Variants in MANEAL observed in about 807,000 individuals in gnomAD.
The protein encoded by MANEAL is glycoprotein endo-alpha-1,2-mannosidase-like protein.
MANEAL carries 28 observed loss-of-function variants against 35.9 expected under a neutral mutation model. The observed-to-expected ratio is 0.78, with a 90% CI of 0.58 to 1.07. The LOEUF (loss-of-function observed/expected upper bound fraction) is 1.07. Among genes scored for constraint, MANEAL ranks in the 50% least tolerant of loss-of-function variants. MANEAL has a pLI of 0.00. For synonymous variants in MANEAL, 286 were observed against 272.2 expected (o/e 1.05, Z -0.50); for missense variants, 576 against 629.6 (o/e 0.91, Z 0.91).
rs890544743 is a variant in MANEAL at position 37,800,125 on chromosome 1, C to A, written c.1296C>A (p.His432Gln). The A allele has an allele frequency of 3.1e-6, 5 of 1,613,724 alleles. No individual in the cohort carries two copies. The African/African-American group carries it at 6.7e-5, about 22-fold the overall frequency. Residue 432 changes from histidine to glutamine, a missense_variant, in exon 4 of 4, where the codon CAC becomes CAA. His to Gln is a conservative substitution (Grantham distance 24). Around this residue, in one of 3 missense-constraint regions of MANEAL, gnomAD observed 449 missense variants for 516.1 expected, o/e 0.87. Coordinates refer to ENST00000373045, the MANE Select transcript of MANEAL (RefSeq NM_001113482.2). ...PTRLYLDYLP[H>Q]QPSLYLELTR... ...GCCTGTATTTGGACTACCTGCCTCA[C>A]CAGCCCAGCCTGTACCTGGAGCTGA...
rs1363231575 is a variant in MANEAL at position 37,800,803 on chromosome 1, G to A, written c.*600G>A. ...AGCACCTTCCTATGTGCTAGGTGCT[G>A]GGGAAAACTTGACCAAGGAAGAGTT... is the stretch of plus-strand genomic sequence containing the variant. On this transcript the variant is annotated 3_prime_UTR_variant, in exon 4 of 4. Transcript: ENST00000373045. 6.5e-6 allele frequency: 1 copy of A among 153,468 alleles called. No homozygotes were observed. The highest frequency in any genetic ancestry group is 1.4e-5 in the Non-Finnish European group (1 of 69,006). The allele number at this position is 153,468 out of a possible 1,614,324, so 9.5% of individuals were successfully genotyped here.
At position 37,794,999 on chromosome 1, in the gene MANEAL, G is replaced by A. The variant is rs974964612; in HGVS notation, c.550+267G>A. 2.0e-5 allele frequency among the ~76,000 whole-genome samples: 3 copies of A among 152,238 alleles called. No homozygotes were observed. In the East Asian group the frequency reaches 5.8e-4, roughly 29 times the overall value. ...CGGAACTGCTAGGAGTTTGCACCAG[G>A]AGAGGGAGGCAGAGTCTTCAAATTT... On this transcript the variant is annotated intron_variant, in intron 1 of 3. Coordinates refer to ENST00000373045, the MANE Select transcript of MANEAL (RefSeq NM_001113482.2). The surrounding 1 kb of genome is among the most constrained non-coding windows in gnomAD (Gnocchi z 5.7).
Position 37,799,656 on chromosome 1 carries a change from C to G in MANEAL, c.827C>G (p.Ser276Cys). ...LFYIYDSYLT[S>C]PEAWAHLLTP... ...TATATCTACGACTCATACCTGACGT[C>G]CCCTGAGGCCTGGGCCCACCTCCTG... The change falls in exon 4 of 4, where the codon TCC becomes TGC. Residue 276 changes from serine (S) to cysteine (C), a missense_variant. By Grantham distance (112) the Ser-to-Cys change is moderately radical. Transcript: ENST00000373045. This position sits in a 1 kb window ranked among gnomAD's most constrained non-coding sequence, Gnocchi z 4.1. 1 of 1,614,196 alleles carries G rather than the reference C, an allele frequency of 6.2e-7. No individual in the cohort carries two copies.
chr1:37,798,109 C>T (rs1646660481), intron 3 of MANEAL, among the ~76,000 whole-genome samples: 1 of 151,198 alleles, frequency 6.6e-6, no homozygotes, highest in East Asian at 2.0e-4. Flanking sequence ...CACAATTACA[C>T]CACTGCATTC....
At chr1:37,798,711 C>G (rs1001493216) in intron 3 of MANEAL, among the ~76,000 whole-genome samples, 1 of 148,492 alleles carries the variant, frequency 6.7e-6, no homozygotes, top group Non-Finnish European at 1.5e-5. Flanking sequence ...CCAGCCTGGG[C>G]GATACAGTGA....
Position 37,800,092 on chromosome 1 carries a change from AC to A in MANEAL, c.1266del (p.Thr423ProfsTer18). The A allele has an allele frequency of 1.2e-6, 2 of 1,604,482 alleles. No homozygotes were observed. Among genetic ancestry groups the A allele is most frequent in the Non-Finnish European group, 1.7e-6 (2 of 1,176,710 alleles). On this transcript the variant is annotated frameshift_variant, in exon 4 of 4. Transcript: ENST00000373045. LOFTEE classifies it high-confidence loss of function. ...QIEKAIPKKT[P>X]TRLYLDYLPH... ...TTGAGAAGGCCATTCCCAAGAAGACACCCACCCGCCTGTATTTGGACTACCT... is the reference window on the plus strand; with the variant it reads ...TTGAGAAGGCCATTCCCAAGAAGACACCACCCGCCTGTATTTGGACTACCT...
intron 1 of MANEAL, 130 bp from the exon 2 acceptor site, chr1:37,795,607 T>A: frequency 6.6e-7 from 1 of 1,510,476 alleles, no homozygotes; most frequent in Non-Finnish European, 8.9e-7. Context: ...CTGCAGGAAG[T>A]GAACCTGGCA....
intron 1 of MANEAL, 158 bp from the exon 2 acceptor site, chr1:37,795,579 C>T: frequency 6.9e-7 from 1 of 1,447,236 alleles, no homozygotes; most frequent in Middle Eastern, 2.3e-4. Context: ...CTCCGGGGCG[C>T]GAGGCTCTGG....
In MANEAL at chr1:37,794,629, A is replaced by G; in HGVS notation, c.447A>G (p.Pro149=). 6.2e-7 allele frequency: 1 copy of G among 1,610,618 alleles called. No homozygotes were observed. ...ASYPRGRHSP[P]DDLGSSFYPE... is the part of the protein sequence containing the mutation. ...ACCCCCGCGGCCGCCACAGCCCCCC[A>G]GACGACTTGGGCTCCAGCTTCTACC... The change falls in exon 1 of 4, where the codon CCA becomes CCG. Residue 149 remains proline (P), a synonymous_variant. Coordinates refer to ENST00000373045, the MANE Select transcript of MANEAL (RefSeq NM_001113482.2). This position sits in a 1 kb window ranked among gnomAD's most constrained non-coding sequence, Gnocchi z 5.7.
intron 3 of MANEAL, among the ~76,000 whole-genome samples, 171 bp downstream of exon 3, chr1:37,796,991 C>G (rs1646650855): frequency 6.6e-6 from 1 of 152,212 alleles, no homozygotes; most frequent in Non-Finnish European, 1.5e-5. Flanking sequence ...GTTTCAATTC[C>G]TGTCCTGTGG....
chr1:37,799,963 G>A lies in MANEAL; in HGVS notation c.1134G>A (p.Arg378=). 1 of 1,614,198 alleles carries A rather than the reference G, an allele frequency of 6.2e-7. No individual in the cohort carries two copies. The highest frequency in any genetic ancestry group is 8.5e-7 in the Non-Finnish European group (1 of 1,180,028). ...RPWNNHNTRN[R]VNGKYYETAL... Reference sequence around the variant, plus strand: ...GGAACAACCACAATACGCGCAACAGGGTCAATGGCAAGTACTATGAGACGG... The same window carrying A: ...GGAACAACCACAATACGCGCAACAGAGTCAATGGCAAGTACTATGAGACGG... Residue 378 remains arginine (R), a synonymous_variant, in exon 4 of 4, where the codon AGG becomes AGA. Transcript: ENST00000373045. This position sits in a 1 kb window ranked among gnomAD's most constrained non-coding sequence, Gnocchi z 4.1.
intron 1 of MANEAL, chr1:37,795,430 C>A: frequency 9.1e-7 from 1 of 1,101,748 alleles, no homozygotes; most frequent in Non-Finnish European, 1.1e-6. Flanking sequence ...AGGCCTGTGG[C>A]TTCCAGGTGG....
rs757221102 is a variant in MANEAL at position 37,799,998 on chromosome 1, CG to C, written c.1171del (p.Ala391ProfsTer2). On this transcript the variant is annotated frameshift_variant, in exon 4 of 4. Coordinates refer to ENST00000373045, the MANE Select transcript of MANEAL (RefSeq NM_001113482.2). LOFTEE classifies it high-confidence loss of function. This position sits in a 1 kb window ranked among gnomAD's most constrained non-coding sequence, Gnocchi z 4.1. ...AAGTACTATGAGACGGCCCTGCAGG[CG>C]GCCCTGACAGTGAGGCCCGAGATCG... Reference protein sequence around the residue: ...NGKYYETALQAALTVRPEIVS... With the variant: ...NGKYYETALQXALTVRPEIVS... 1 of 1,614,224 alleles carries C rather than the reference CG, an allele frequency of 6.2e-7. No individual in the cohort carries two copies. The highest frequency in any genetic ancestry group is 2.2e-5 in the East Asian group (1 of 44,884).
At position 37,799,864 on chromosome 1, in the gene MANEAL, C is replaced by A. The variant is rs1646679835; in HGVS notation, c.1035C>A (p.Asn345Lys). The change falls in exon 4 of 4, where the codon AAC becomes AAA. Residue 345 changes from asparagine to lysine, a missense_variant. This residue lies in a region of MANEAL where 449 missense variants were observed against 516.1 expected (regional missense o/e 0.87). Transcript: ENST00000373045. The surrounding 1 kb of genome is among the most constrained non-coding windows in gnomAD (Gnocchi z 4.1). ...SSHQNWKAVK[N>K]FCDANNLMFI... ...ATCAGAACTGGAAAGCTGTGAAGAA[C>A]TTTTGTGATGCCAACAACCTCATGT... 1.9e-6 allele frequency: 3 copies of A among 1,614,256 alleles called. No individual in the cohort carries two copies. Among genetic ancestry groups the A allele is most frequent in the Non-Finnish European group, 2.5e-6 (3 of 1,180,048 alleles).
At chr1:37,798,842 C>T (rs1308987643) in intron 3 of MANEAL, among the ~76,000 whole-genome samples, 4 of 152,064 alleles carry the variant, frequency 2.6e-5, no homozygotes, top group African/African-American at 9.7e-5. Context: ...AGTTCAAGAC[C>T]AGCCTGGCCA....
rs199708433 is a variant in MANEAL, at chr1:37,800,029, C to T, written c.1200C>T (p.Ser400=). ...AALTVRPEIV[S]ITSFNEWHEG... is the part of the protein sequence containing the mutation. ...TGACAGTGAGGCCCGAGATCGTTTCCATTACCTCCTTCAATGAGTGGCACG... is the reference window on the plus strand; with the variant it reads ...TGACAGTGAGGCCCGAGATCGTTTCTATTACCTCCTTCAATGAGTGGCACG... The change falls in exon 4 of 4, where the codon TCC becomes TCT. Residue 400 remains serine (S), a synonymous_variant. Transcript: ENST00000373045. 2 of 1,614,232 alleles carry T rather than the reference C, an allele frequency of 1.2e-6. No homozygotes were observed. The highest frequency in any genetic ancestry group is 1.3e-5 in the African/African-American group (1 of 75,066).
At position 37,794,574 on chromosome 1, in the gene MANEAL, C is replaced by A; in HGVS notation, c.392C>A (p.Pro131Gln). The A allele has an allele frequency of 6.2e-7, 1 of 1,611,918 alleles. No individual in the cohort carries two copies. Among genetic ancestry groups the A allele is most frequent in the Non-Finnish European group, 8.5e-7 (1 of 1,179,648 alleles). Residue 131 changes from proline (P) to glutamine (Q), a missense_variant, in exon 1 of 4, where the codon CCG becomes CAG. Physicochemically the swap from Pro to Gln is moderately conservative, Grantham distance 76 (BLOSUM62 -1). This residue lies in a region of MANEAL where 449 missense variants were observed against 516.1 expected (regional missense o/e 0.87). Coordinates refer to ENST00000373045, the MANE Select transcript of MANEAL (RefSeq NM_001113482.2). The surrounding 1 kb of genome is among the most constrained non-coding windows in gnomAD (Gnocchi z 5.7). The stretch of plus-strand genomic sequence containing the variant: ...ATTCACTGGGACCACGTCATGGTGC[C>A]GCACTGGGACCCCAAGATCTCGGCC... ...HYIHWDHVMV[P>Q]HWDPKISASY...
chr1:37,797,464 C>CTT (rs79029579), intron 3 of MANEAL, among the ~76,000 whole-genome samples: 2 of 117,014 alleles, frequency 1.7e-5, no homozygotes, highest in African/African-American at 2.9e-5. Context: ...AATGCCAGTG[C>CTT]TTTTTTTTTT....
At chr1:37,797,370 C>T (rs1391729936) in intron 3 of MANEAL, among the ~76,000 whole-genome samples, 1 of 151,770 alleles carries the variant, frequency 6.6e-6, no homozygotes, top group Non-Finnish European at 1.5e-5. Flanking sequence ...CGCTGCACTC[C>T]AGCCTGGGTG....
Sources: allele counts gnomAD v4.1 joint callset (sites outside exome capture counted in the v4.1 genomes callset), GRCh38; gene constraint gnomAD v4.1.1; regional missense constraint gnomAD v4.1.1; non-coding constraint Gnocchi (gnomAD v3.1); transcripts MANE v1.5; gene names NCBI Gene and HGNC (gene_info 2026-07-23, HGNC 2026-07-21).